PCSK5: variants seen among roughly 807,000 people sequenced by gnomAD.
PCSK5 encodes the protein prohormone convertase 5.
Under a neutral mutation model 233.2 loss-of-function variants are expected in PCSK5, and 129 were observed. The observed-to-expected ratio is 0.55, with a 90% CI of 0.48 to 0.64. The LOEUF is 0.64. Ranked by LOEUF, PCSK5 falls within the 30% of genes least tolerant of loss-of-function variation. The pLI, the probability that PCSK5 is intolerant of heterozygous loss-of-function variation, is 0.00. For missense variants in PCSK5, 2,076 were observed against 2,430.1 expected, an observed-to-expected ratio of 0.85 and a Z score of 3.06; for synonymous variants, 825 against 879.2, an observed-to-expected ratio of 0.94 and a Z score of 1.09.
At chr9:76,140,728 T>C (rs1272504213) in intron 10 of PCSK5, among the ~76,000 whole-genome samples, 2 of 152,106 alleles carry the variant, frequency 1.3e-5, no homozygotes, top group African/African-American at 4.8e-5. Flanking sequence ...AATGTTTAAA[T>C]GTCACCTTAA....
At position 76,145,433 on chromosome 9, in the gene PCSK5, T is replaced by C. The variant is rs115803522; in HGVS notation, c.1312+11221T>C. Among the ~76,000 whole-genome samples, 191 of 152,298 alleles carry C rather than the reference T, an allele frequency of 1.3e-3. 1 individual carries two copies. The highest frequency in any genetic ancestry group is 4.3e-3 in the African/African-American group (177 of 41,576). On this transcript the variant is annotated intron_variant, in intron 10 of 37. Transcript: ENST00000674117. Reference sequence around the variant, plus strand: ...CGGTGAAAAGGCTTCATTTGAAGTCTTCCATGATTATCGTCAACCTGTCTT... The same window carrying C: ...CGGTGAAAAGGCTTCATTTGAAGTCCTCCATGATTATCGTCAACCTGTCTT...
chr9:76,201,277 C>T (rs1267325023), intron 20 of PCSK5, among the ~76,000 whole-genome samples: 1 of 152,160 alleles, frequency 6.6e-6, no homozygotes, highest in Non-Finnish European at 1.5e-5. Flanking sequence ...ACTTCCCTTC[C>T]CTAACAATGA....
At chr9:76,239,304 T>C (rs1158072865) in intron 23 of PCSK5, 139 bp downstream of exon 23, 1 of 659,452 alleles carries the variant, frequency 1.5e-6, no homozygotes, top group Non-Finnish European at 2.7e-6. Flanking sequence ...CCAACCCTAG[T>C]GGGGAGAGAG....
At chr9:76,097,225 G>A (rs1451515665) in intron 8 of PCSK5, among the ~76,000 whole-genome samples, 1 of 136,774 alleles carries the variant, frequency 7.3e-6, no homozygotes, top group Non-Finnish European at 1.5e-5. Context: ...AAGGCACCGC[G>A]CCCAGCCAAA....
At chr9:75,932,356 T>C (rs1823848586) in intron 1 of PCSK5, 23 bp from the exon 2 acceptor site, 1 of 1,409,852 alleles carries the variant, frequency 7.1e-7, no homozygotes, top group African/African-American at 1.4e-5. Flanking sequence ...TTTTGTTCTT[T>C]CCTTCCCACC....
chr9:76,089,279 G>C (rs1037241791), intron 7 of PCSK5, among the ~76,000 whole-genome samples: 18 of 152,066 alleles, frequency 1.2e-4, no homozygotes, highest in African/African-American at 4.3e-4. Flanking sequence ...AAGGGGCTTT[G>C]ATAAGTTGGG....
chr9:76,163,374 T>TC (rs1488600498), intron 12 of PCSK5, among the ~76,000 whole-genome samples: 1 of 152,154 alleles, frequency 6.6e-6, no homozygotes, highest in Non-Finnish European at 1.5e-5. Context: ...AGGAACAGTT[T>TC]CCCCAAGCAT....
intron 2 of PCSK5, among the ~76,000 whole-genome samples, chr9:75,940,660 G>T (rs749375105): frequency 7.2e-5 from 11 of 152,210 alleles, no homozygotes; most frequent in South Asian, 2.1e-4. Flanking sequence ...TAGGTGTAAT[G>T]GAGTAACTGG....
rs1412197541 is a variant in PCSK5 at position 76,310,845 on chromosome 9, G to A, written c.3878G>A (p.Cys1293Tyr). The change falls in exon 30 of 38, where the codon TGC becomes TAC. Residue 1293 changes from cysteine to tyrosine, a missense_variant. Cys to Tyr is a radical substitution (Grantham distance 194, BLOSUM62 -2). Coordinates refer to ENST00000674117, the MANE Select transcript of PCSK5 (RefSeq NM_001372043.1). ...FLHEGRCYSK[C>Y]PEGSYAEDGI... ...CATGAAGGCAGGTGCTACTCCAAGT[G>A]CCCGGAGTAAGTTTCCTTTTTAATT... 1.3e-6 allele frequency: 2 copies of A among 1,585,954 alleles called. No individual in the cohort carries two copies. Among genetic ancestry groups the A allele is most frequent in the Non-Finnish European group, 1.7e-6 (2 of 1,168,290 alleles).
Position 76,321,499 on chromosome 9 carries a change from G to A in PCSK5, c.3962G>A (p.Cys1321Tyr). ...CRTCEGNATN[C>Y]HSCEGGHVLH... ...ACATGTGAAGGAAACGCCACCAACTGCCATTCTTGTGAAGGAGGCCACGTC... is the reference window on the plus strand; with the variant it reads ...ACATGTGAAGGAAACGCCACCAACTACCATTCTTGTGAAGGAGGCCACGTC... Residue 1321 changes from cysteine to tyrosine, a missense_variant, in exon 31 of 38, where the codon TGC becomes TAC. Cys to Tyr is a radical substitution (Grantham distance 194, BLOSUM62 -2). Coordinates refer to ENST00000674117, the MANE Select transcript of PCSK5 (RefSeq NM_001372043.1). 1.9e-6 allele frequency: 3 copies of A among 1,612,394 alleles called. No homozygotes were observed. Among genetic ancestry groups the A allele is most frequent in the Non-Finnish European group, 2.5e-6 (3 of 1,179,446 alleles).
chr9:76,175,307 GAA>G, intron 14 of PCSK5, 178 bp downstream of exon 14: 1 of 604,026 alleles, frequency 1.7e-6, no homozygotes, highest in South Asian at 2.0e-5. Flanking sequence ...GAATAGAATA[GAA>G]TAGAACAGAA....
intron 5 of PCSK5, among the ~76,000 whole-genome samples, chr9:76,029,609 A>T (rs930044392): frequency 6.6e-6 from 1 of 152,192 alleles, no homozygotes; most frequent in African/African-American, 2.4e-5. Context: ...ACTGCGTTCC[A>T]TAAGGAATCT....
intron 2 of PCSK5, among the ~76,000 whole-genome samples, chr9:75,963,665 G>T (rs190823046): frequency 1.3e-3 from 192 of 152,348 alleles, no homozygotes; most frequent in African/African-American, 4.2e-3. Flanking sequence ...CGGATCACGA[G>T]GTTAGGAGTT....
intron 5 of PCSK5, 119 bp from the exon 6 acceptor site, chr9:76,067,836 A>G: frequency 1.4e-6 from 1 of 738,808 alleles, no homozygotes. Flanking sequence ...CTTGGGAAGG[A>G]AGTTCCAGAA....
At chr9:76,241,472 C>T (rs1050300664) in intron 24 of PCSK5, among the ~76,000 whole-genome samples, 1 of 152,172 alleles carries the variant, frequency 6.6e-6, no homozygotes, top group Non-Finnish European at 1.5e-5. Flanking sequence ...AAAAATGACT[C>T]TGTTGCTTGG....
intron 5 of PCSK5, among the ~76,000 whole-genome samples, chr9:76,031,676 G>A (rs953278537): frequency 6.6e-5 from 10 of 152,102 alleles, no homozygotes; most frequent in Non-Finnish European, 1.3e-4. Flanking sequence ...GCGAAAGAGC[G>A]AGACCCTGTC....
intron 2 of PCSK5, among the ~76,000 whole-genome samples, chr9:75,981,933 A>C (rs1323973653): frequency 6.6e-6 from 1 of 152,198 alleles, no homozygotes; most frequent in Non-Finnish European, 1.5e-5. Context: ...ATGGATCAAA[A>C]GTAACAAGAT....
intron 10 of PCSK5, among the ~76,000 whole-genome samples, chr9:76,150,235 T>A (rs1823613628): frequency 1.3e-5 from 2 of 152,180 alleles, no homozygotes; most frequent in South Asian, 4.1e-4. Flanking sequence ...CTGGAAACTT[T>A]CCATGTGCAA....
intron 2 of PCSK5, among the ~76,000 whole-genome samples, chr9:75,936,666 C>T (rs1443234953): frequency 6.6e-6 from 1 of 152,216 alleles, no homozygotes; most frequent in Non-Finnish European, 1.5e-5. Flanking sequence ...TCTGCAGTGA[C>T]TTCCTCCACT....
Sources: gnomAD v4.1 joint callset for allele counts (sites outside exome capture counted in the v4.1 genomes callset) on GRCh38, gnomAD v4.1.1 for gene constraint, MANE v1.5 for transcripts, NCBI Gene and HGNC (gene_info 2026-07-23, HGNC 2026-07-21) for gene names.